The following MTUS1 variants were observed in gnomAD, a reference collection of about 807,000 sequenced individuals.
The protein encoded by MTUS1 is microtubule associated scaffold protein 1.
A neutral mutation model predicts 120.8 loss-of-function variants in MTUS1; 109 were observed. The observed-to-expected ratio is 0.90, with a 90% CI of 0.77 to 1.06. The LOEUF (loss-of-function observed/expected upper bound fraction) is 1.06. MTUS1 is among the 50% of genes least tolerant of loss of function. The probability of loss-of-function intolerance (pLI) is 0.00; values close to 1 mark genes in which losing one functional copy is unlikely to be tolerated. For missense variants in MTUS1, 2,210 were observed against 1,486.3 expected (o/e 1.49, Z -8.01); for synonymous variants, 737 against 550.5 (o/e 1.34, Z -4.74).
At chr8:17,753,102 A>G (rs1198022271) in intron 2 of MTUS1, among the ~76,000 whole-genome samples, 3 of 152,208 alleles carry the variant, frequency 2.0e-5, no homozygotes, top group African/African-American at 2.4e-5. Flanking sequence ...TATTTTATAT[A>G]CCAGGAATTA....
chr8:17,672,219 T>A (rs1012406728), intron 8 of MTUS1, among the ~76,000 whole-genome samples: 2 of 152,224 alleles, frequency 1.3e-5, no homozygotes, highest in African/African-American at 4.8e-5. Context: ...TGTGGTTAAT[T>A]ACTACACAGC....
chr8:17,785,243 C>T (rs556503806), intron 1 of MTUS1, among the ~76,000 whole-genome samples: 5 of 152,076 alleles, frequency 3.3e-5, no homozygotes, highest in Admixed American at 3.3e-4. Flanking sequence ...CAAAAATGTA[C>T]AAGTAAATAA....
chr8:17,742,269 G>GTTTTTTTTT (rs1210338239), intron 3 of MTUS1, among the ~76,000 whole-genome samples: 23 of 94,900 alleles, frequency 2.4e-4, no homozygotes, highest in East Asian at 6.4e-4. Flanking sequence ...ATGCCCAGCT[G>GTTTTTTTTT]TTTTTTTTTT....
intron 1 of MTUS1, among the ~76,000 whole-genome samples, chr8:17,782,964 G>A (rs1435882121): frequency 6.6e-6 from 1 of 152,162 alleles, no homozygotes; most frequent in Non-Finnish European, 1.5e-5. Flanking sequence ...TGTAATCCCA[G>A]CTACTCAGGA....
intron 6 of MTUS1, among the ~76,000 whole-genome samples, chr8:17,712,779 G>A (rs1469004090): frequency 7.8e-6 from 1 of 128,774 alleles, no homozygotes; most frequent in Admixed American, 8.9e-5. Flanking sequence ...AATAGTGGAG[G>A]CTGCAGGCTA....
At chr8:17,769,643 C>A (rs111488465) in intron 1 of MTUS1, among the ~76,000 whole-genome samples, 3 of 152,106 alleles carry the variant, frequency 2.0e-5, no homozygotes, top group East Asian at 1.9e-4. Flanking sequence ...CACCCGCGCC[C>A]GGCCCTTAGT....
chr8:17,739,453 A>AACTG lies in MTUS1; in HGVS notation c.2287+4150_2287+4151insCAGT, dbSNP rs1554515290. ...GGTTGTGGTGAGCCACGATTGCGTC[A>AACTG]ATTGCACTCCAGCCTGGGCAACAAG... On this transcript the variant is annotated intron_variant, in intron 3 of 14. Transcript: ENST00000693296. Among the ~76,000 whole-genome samples the AACTG allele has an allele frequency of 7.5e-3, 1,143 of 151,686 alleles. 6 individuals carry two copies. Among genetic ancestry groups the AACTG allele is most frequent in the Middle Eastern group, 0.014 (4 of 292 alleles).
intron 13 of MTUS1, among the ~76,000 whole-genome samples, chr8:17,647,734 C>T (rs554125185): frequency 6.6e-6 from 1 of 152,296 alleles, no homozygotes; most frequent in East Asian, 1.9e-4. Flanking sequence ...ACAAACTGAT[C>T]AGCGGAGAGA....
intron 3 of MTUS1, 27 bp downstream of exon 3, chr8:17,743,577 T>C (rs372812478): frequency 1.9e-6 from 3 of 1,594,186 alleles, no homozygotes; most frequent in East Asian, 2.2e-5. Context: ...AATTAACTCA[T>C]AAACTATTGA....
In MTUS1 at chr8:17,755,448, A is replaced by G; in HGVS notation, c.360T>C (p.Ser120=). 6.2e-7 allele frequency: 1 copy of G among 1,614,168 alleles called. No individual in the cohort carries two copies. The highest frequency in any genetic ancestry group is 1.1e-5 in the South Asian group (1 of 91,086). Reference sequence around the variant, plus strand: ...CCTCAACTGCTTCTAGGGAATGACAACTGTGTTGCAGATATTTGGGCTTCT... The same window carrying G: ...CCTCAACTGCTTCTAGGGAATGACAGCTGTGTTGCAGATATTTGGGCTTCT... The part of the protein sequence containing the change: ...GTEKPKYLQH[S]CHSLEAVEGQ... Residue 120 remains serine, a synonymous_variant, in exon 2 of 15, where the codon AGT becomes AGC. Transcript: ENST00000693296.
intron 7 of MTUS1, among the ~76,000 whole-genome samples, chr8:17,680,013 C>T (rs1006092979): frequency 5.9e-5 from 9 of 152,288 alleles, no homozygotes; most frequent in Non-Finnish European, 1.3e-4. Context: ...GAACTAGATG[C>T]AGATCCTGCC....
intron 3 of MTUS1, among the ~76,000 whole-genome samples, chr8:17,729,490 A>C (rs1253632325): frequency 2.0e-5 from 3 of 152,226 alleles, no homozygotes; most frequent in Non-Finnish European, 4.4e-5. Flanking sequence ...GAAATCCCTT[A>C]CTTTGGTAAC....
chr8:17,714,894 CTTTTTTTTTTTTTT>C lies in MTUS1; in HGVS notation c.2584+859_2584+872del, dbSNP rs34479493. ...TTCAGTTCACTAAGCACAAATAATG[CTTTTTTTTTTTTTT>C]TTTTTTTTTTTTTTTGAGACAGAGT... On this transcript the variant is annotated intron_variant, in intron 5 of 14. Transcript: ENST00000693296. 8.7e-4 allele frequency among the ~76,000 whole-genome samples: 48 copies of C among 55,192 alleles called. 2 individuals are homozygous for C. In the South Asian group the frequency reaches 0.018, roughly 20 times the overall value. The allele number at this position is 55,192 out of a possible 152,430, so 36.2% of individuals were successfully genotyped here.
chr8:17,787,298 G>A (rs2051386481), intron 1 of MTUS1, among the ~76,000 whole-genome samples: 2 of 152,188 alleles, frequency 1.3e-5, no homozygotes, highest in South Asian at 4.1e-4. Flanking sequence ...CCTCCCAGTA[G>A]ACAGTCCCAT....
intron 1 of MTUS1, among the ~76,000 whole-genome samples, chr8:17,770,009 G>A (rs1283279915): frequency 6.6e-6 from 1 of 151,842 alleles, no homozygotes; most frequent in South Asian, 2.1e-4. Flanking sequence ...CACTTCAGAT[G>A]ACATATAAAG....
chr8:17,716,055 G>C (rs1822267026), intron 4 of MTUS1, among the ~76,000 whole-genome samples, 154 bp from the exon 5 acceptor site: 1 of 152,178 alleles, frequency 6.6e-6, no homozygotes, highest in Non-Finnish European at 1.5e-5. Context: ...ATGGATAACA[G>C]GTAGCTTGTG....
chr8:17,720,645 T>G (rs1187775123), intron 4 of MTUS1, among the ~76,000 whole-genome samples: 1 of 152,186 alleles, frequency 6.6e-6, no homozygotes, highest in Non-Finnish European at 1.5e-5. Flanking sequence ...CATCGCAAAG[T>G]TATACACTCT....
Position 17,661,074 on chromosome 8 carries a change from A to G in MTUS1, c.2906-5009T>C, listed in dbSNP as rs145384100. 1.9e-3 allele frequency among the ~76,000 whole-genome samples: 297 copies of G among 152,338 alleles called. 2 individuals carry two copies. The highest frequency in any genetic ancestry group is 6.8e-3 in the African/African-American group (284 of 41,578). ...CTGCACATTCACTTTTCCTTCTATT[A>G]CACTAGTAACCACAGAAGAAAAAAT... On this transcript the variant is annotated intron_variant, in intron 8 of 14. Transcript: ENST00000693296.
At chr8:17,766,753 T>C (rs535613378) in intron 1 of MTUS1, among the ~76,000 whole-genome samples, 6 of 152,346 alleles carry the variant, frequency 3.9e-5, no homozygotes, top group Admixed American at 1.3e-4. Flanking sequence ...TAAAATATGA[T>C]AGTGCAGAGT....
Sources: gnomAD v4.1 joint callset for allele counts (sites outside exome capture counted in the v4.1 genomes callset) on GRCh38, gnomAD v4.1.1 for gene constraint, MANE v1.5 for transcripts, NCBI Gene and HGNC (gene_info 2026-07-23, HGNC 2026-07-21) for gene names.